ST3GAL1: variants seen among roughly 807,000 people sequenced by gnomAD.
ST3GAL1 encodes ST3 beta-galactoside alpha-2,3-sialyltransferase 1, also known as CMP-N-acetylneuraminate-beta-galactosamide-alpha-2,3-sialyltransferase 1.
In ST3GAL1, 16 loss-of-function variants were observed where a neutral mutation model predicts 34.1. That is an observed-to-expected ratio of 0.47 (90% CI 0.32 to 0.71). The LOEUF (loss-of-function observed/expected upper bound fraction) is 0.71. Among genes scored for constraint, ST3GAL1 ranks in the 30% least tolerant of loss-of-function variants. The pLI is 0.04. For missense variants in ST3GAL1, 353 were observed against 447.4 expected (o/e 0.79, Z 1.90); for synonymous variants, 191 against 184.7 (o/e 1.03, Z -0.28).
intron 3 of ST3GAL1, among the ~76,000 whole-genome samples, chr8:133,494,757 C>A (rs955161189): frequency 4.0e-5 from 6 of 151,898 alleles, no homozygotes; most frequent in African/African-American, 1.5e-4. Context: ...AAGCACAGGA[C>A]CTACACACAG....
chr8:133,506,764 G>C (rs988949292), intron 2 of ST3GAL1, among the ~76,000 whole-genome samples: 1 of 150,736 alleles, frequency 6.6e-6, no homozygotes, highest in African/African-American at 2.4e-5. Context: ...CAGCTTGGGG[G>C]ACAAGAGTGA....
In ST3GAL1 at chr8:133,508,005, C is replaced by CCACCCTCTCACCCCCCA. The variant is rs1319491737; in HGVS notation, c.-428-8833_-428-8817dup. ...AGGAGCTGCCTCCCCTGGGAGGTGC[C>CCACCCTCTCACCCCCCA]CACCCTCTCACCCCCCACACCCTAG... is the stretch of plus-strand genomic sequence containing the variant. On this transcript the variant is annotated intron_variant, in intron 2 of 9. Coordinates refer to ENST00000522652, the MANE Select transcript of ST3GAL1 (RefSeq NM_173344.3). The surrounding 1 kb of genome is among the most constrained non-coding windows in gnomAD (Gnocchi z 4.1). 6.6e-6 allele frequency among the ~76,000 whole-genome samples: 1 copy of CCACCCTCTCACCCCCCA among 152,112 alleles called. No individual in the cohort carries two copies. Among genetic ancestry groups the CCACCCTCTCACCCCCCA allele is most frequent in the East Asian group, 1.9e-4 (1 of 5,182 alleles).
chr8:133,473,545 C>T (rs1341836083), intron 5 of ST3GAL1, among the ~76,000 whole-genome samples: 2 of 152,180 alleles, frequency 1.3e-5, no homozygotes, highest in Non-Finnish European at 2.9e-5. Flanking sequence ...TTGGACTTAA[C>T]GTGGTCCCAG....
rs931855703 is a variant in ST3GAL1, at chr8:133,461,815, T to C, written c.849+60A>G. 2 of 1,606,264 alleles carry C rather than the reference T, an allele frequency of 1.2e-6. No homozygotes were observed. Among genetic ancestry groups the C allele is most frequent in the African/African-American group, 2.7e-5 (2 of 74,822 alleles). ...CTGCCCTCCCCCTCCCTGGCCTCTC[T>C]TGGGAACACAGGACGGTGAGCTTCG... On this transcript the variant is annotated intron_variant, in intron 9 of 9. Coordinates refer to ENST00000522652, the MANE Select transcript of ST3GAL1 (RefSeq NM_173344.3). This position sits in a 1 kb window ranked among gnomAD's most constrained non-coding sequence, Gnocchi z 4.7.
At chr8:133,537,992 C>G (rs1471128828) in intron 2 of ST3GAL1, among the ~76,000 whole-genome samples, 2 of 152,184 alleles carry the variant, frequency 1.3e-5, no homozygotes, top group Non-Finnish European at 2.9e-5. Flanking sequence ...TGTGCGTCTT[C>G]TGCTCCATTT....
chr8:133,497,456 A>ATTTTTTTTTT (rs1159737986), intron 3 of ST3GAL1, among the ~76,000 whole-genome samples: 2 of 20,382 alleles, frequency 9.8e-5, no homozygotes, highest in African/African-American at 4.3e-4. Context: ...TTTTGTTGGA[A>ATTTTTTTTTT]TTTTTTTTTT....
chr8:133,506,342 C>T (rs62520285), intron 2 of ST3GAL1, among the ~76,000 whole-genome samples: 29,633 of 152,230 alleles, frequency 0.19, 3,023 homozygotes, highest in East Asian at 0.27. Context: ...ACGTACAAAG[C>T]GATCTGCCCA....
rs571159992 is a variant in ST3GAL1, at chr8:133,457,434, T to G, written c.*2330A>C. 10 of 152,344 alleles carry G rather than the reference T, an allele frequency of 6.6e-5. No individual in the cohort carries two copies. The South Asian group carries it at 2.1e-3, about 32-fold the overall frequency. The allele number at this position is 152,344 out of a possible 1,614,324, so 9.4% of individuals were successfully genotyped here. On this transcript the variant is annotated 3_prime_UTR_variant, in exon 10 of 10. Coordinates refer to ENST00000522652, the MANE Select transcript of ST3GAL1 (RefSeq NM_173344.3). The stretch of plus-strand genomic sequence containing the variant: ...CGCTCTCTGTATCAGTGTCTGATGA[T>G]CTGGAGTCTGCCCCTGGGGTCACTC...
intron 2 of ST3GAL1, among the ~76,000 whole-genome samples, chr8:133,503,544 G>A (rs1817247645): frequency 6.6e-6 from 1 of 151,330 alleles, no homozygotes; most frequent in Non-Finnish European, 1.5e-5. Context: ...CCCACTTCCT[G>A]GCTGCCTTAA....
rs115782036 is a variant in ST3GAL1 at position 133,512,164 on chromosome 8, T to C, written c.-428-12975A>G. On this transcript the variant is annotated intron_variant, in intron 2 of 9. Coordinates refer to ENST00000522652, the MANE Select transcript of ST3GAL1 (RefSeq NM_173344.3). ...ATCAAGGAAACCAGTGGTGGATCAG[T>C]ATGAGACCCAGAACTTCAAAAGGAT... Among the ~76,000 whole-genome samples, 1,373 of 152,236 alleles carry C rather than the reference T, an allele frequency of 9.0e-3. 25 individuals are homozygous for C. The highest frequency in any genetic ancestry group is 0.031 in the African/African-American group (1,276 of 41,526).
intron 3 of ST3GAL1, among the ~76,000 whole-genome samples, chr8:133,496,375 C>T (rs1202453462): frequency 6.6e-6 from 1 of 152,128 alleles, no homozygotes; most frequent in Admixed American, 6.5e-5. Context: ...TCTATATGTG[C>T]AAGACAGGAT....
chr8:133,499,921 G>A lies in ST3GAL1; in HGVS notation c.-428-732C>T, dbSNP rs79175725. Among the ~76,000 whole-genome samples the A allele has an allele frequency of 5.4e-3, 825 of 152,306 alleles. 3 individuals carry two copies. Among genetic ancestry groups the A allele is most frequent in the African/African-American group, 0.018 (728 of 41,556 alleles). ...GTCACAGATCTCACTGGGCAGGGGCGGGAGGTAGTTCTGAGTCTGGCATAT... is the reference window on the plus strand; with the variant it reads ...GTCACAGATCTCACTGGGCAGGGGCAGGAGGTAGTTCTGAGTCTGGCATAT... On this transcript the variant is annotated intron_variant, in intron 2 of 9. Coordinates refer to ENST00000522652, the MANE Select transcript of ST3GAL1 (RefSeq NM_173344.3).
At chr8:133,476,239 G>A (rs1039269611) in intron 4 of ST3GAL1, 39 bp downstream of exon 4, 1 of 487,530 alleles carries the variant, frequency 2.1e-6, no homozygotes, top group Non-Finnish European at 3.6e-6. Context: ...GTAGACCAAC[G>A]CCATTCGTGG....
intron 6 of ST3GAL1, 90 bp from the exon 7 acceptor site, chr8:133,465,047 TG>T: frequency 7.2e-7 from 1 of 1,393,666 alleles, no homozygotes. Flanking sequence ...GCCTCCAGTG[TG>T]ACTTCAGGGG....
rs147045771 is a variant in ST3GAL1, at chr8:133,520,701, G to A, written c.-428-21512C>T. 5.9e-5 allele frequency among the ~76,000 whole-genome samples: 9 copies of A among 151,870 alleles called. No homozygotes were observed. In the East Asian group the frequency reaches 1.4e-3, roughly 23 times the overall value. On this transcript the variant is annotated intron_variant, in intron 2 of 9. Coordinates refer to ENST00000522652, the MANE Select transcript of ST3GAL1 (RefSeq NM_173344.3). ...TACTGCATACGTAATTCCCCTTTTC[G>A]GAGTCTATTCCAGGAAATGGCTCAA...
intron 3 of ST3GAL1, among the ~76,000 whole-genome samples, chr8:133,497,454 GAATTTT>G (rs1164333218): frequency 2.2e-4 from 7 of 31,696 alleles, no homozygotes; most frequent in Admixed American, 1.0e-3. Context: ...AATTTTGTTG[GAATTTT>G]TTTTTTTTTT....
chr8:133,564,103 C>T (rs1036448870), intron 1 of ST3GAL1, among the ~76,000 whole-genome samples: 11 of 152,162 alleles, frequency 7.2e-5, no homozygotes, highest in South Asian at 4.1e-4. Flanking sequence ...AGACAAGAAC[C>T]GAGGTTTTAC....
intron 3 of ST3GAL1, among the ~76,000 whole-genome samples, chr8:133,492,756 G>A (rs941730560): frequency 6.6e-5 from 10 of 152,080 alleles, no homozygotes; most frequent in African/African-American, 9.7e-5. Context: ...CAAACAGCCC[G>A]GCTCCAGAGG....
rs979407348 is a variant in ST3GAL1, at chr8:133,459,625, G to C, written c.*139C>G. 9.0e-7 allele frequency: 1 copy of C among 1,113,342 alleles called. No individual in the cohort carries two copies. The highest frequency in any genetic ancestry group is 1.6e-5 in the African/African-American group (1 of 62,526). The allele number at this position is 1,113,342 out of a possible 1,614,324, so 69.0% of individuals were successfully genotyped here. A position where few individuals can be genotyped will look rare whatever the true frequency, so the allele number is the denominator to read the frequency against. On this transcript the variant is annotated 3_prime_UTR_variant, in exon 10 of 10. Transcript: ENST00000522652. This position sits in a 1 kb window ranked among gnomAD's most constrained non-coding sequence, Gnocchi z 4.7. ...CTGAGTAGATGCTGCCAACGGCTGG[G>C]TGCAAGAGGCTGTGAGCGGTGCCCA...
Sources: allele counts gnomAD v4.1 joint callset (sites outside exome capture counted in the v4.1 genomes callset), GRCh38; gene constraint gnomAD v4.1.1; non-coding constraint Gnocchi (gnomAD v3.1); transcripts MANE v1.5; gene names NCBI Gene and HGNC (gene_info 2026-07-23, HGNC 2026-07-21).